Variants in ARMC6 observed in about 807,000 individuals in gnomAD.
The protein encoded by ARMC6 is armadillo repeat-containing protein 6.
ARMC6 carries 43 observed loss-of-function variants against 49.2 expected under a neutral mutation model. That is an observed-to-expected ratio of 0.87 (90% CI 0.69 to 1.13). The LOEUF (loss-of-function observed/expected upper bound fraction) is 1.13, where lower values mean the gene tolerates loss of function less well. ARMC6 is among the 50% of genes most tolerant of loss of function. ARMC6 has a pLI of 0.00. For missense variants in ARMC6, 627 were observed against 682.0 expected, an observed-to-expected ratio of 0.92 and a Z score of 0.90; for synonymous variants, 262 against 289.6, an observed-to-expected ratio of 0.90 and a Z score of 0.97.
intron 2 of ARMC6, 44 bp downstream of exon 2, chr19:19,034,282 A>C (rs1363032207): frequency 6.3e-7 from 1 of 1,583,232 alleles, no homozygotes; most frequent in South Asian, 1.1e-5. Context: ...ACGGGAAAGC[A>C]GGGCTGCTCT....
intron 2 of ARMC6, among the ~76,000 whole-genome samples, chr19:19,038,440 A>G (rs1319080221): frequency 6.6e-6 from 1 of 152,152 alleles, no homozygotes; most frequent in Non-Finnish European, 1.5e-5. Flanking sequence ...TTTTACCAAG[A>G]GTTTTATCTT....
At chr19:19,037,596 C>G in intron 2 of ARMC6, 1 of 1,218,934 alleles carries the variant, frequency 8.2e-7, no homozygotes, top group Non-Finnish European at 1.1e-6. Flanking sequence ...AAACTCCTGG[C>G]CTCATGTGAT....
rs368858887 is a variant in ARMC6 at position 19,057,478 on chromosome 19, C to T, written c.1356C>T (p.Ile452=). The stretch of plus-strand genomic sequence containing the variant: ...ACGGCCAGGCCTTCTCGAAGCCCAT[C>T]CTGGACCTGGGGGCTGAGGCACTCA... ...VAHGQAFSKP[I]LDLGAEALIM... The change falls in exon 9 of 9, where the codon ATC becomes ATT. Residue 452 remains isoleucine (I), a synonymous_variant. Coordinates refer to ENST00000535612, the MANE Select transcript of ARMC6 (RefSeq NM_001199196.2). 7.4e-6 allele frequency: 12 copies of T among 1,614,002 alleles called. No individual in the cohort carries two copies. Among genetic ancestry groups the T allele is most frequent in the Non-Finnish European group, 1.0e-5 (12 of 1,180,038 alleles).
chr19:19,045,493 C>CTTGTTTTTTTTTTTTTTTTTT, intron 4 of ARMC6, among the ~76,000 whole-genome samples: 1 of 89,118 alleles, frequency 1.1e-5, no homozygotes, highest in Non-Finnish European at 2.0e-5. Flanking sequence ...ATGCTAAATT[C>CTTGTTTTTTTTTTTTTTTTTT]TTTTTTTTTT....
At position 19,036,154 on chromosome 19, in the gene ARMC6, C is replaced by T. The variant is rs529660503; in HGVS notation, c.29+1916C>T. On this transcript the variant is annotated intron_variant, in intron 2 of 8. Transcript: ENST00000535612. ...TTGGCTCACTGCAACCTCCACCTCC[C>T]GGGTTCAAGCAATTCTCTTGCCTCA... Among the ~76,000 whole-genome samples the T allele has an allele frequency of 7.2e-5, 11 of 152,246 alleles. No homozygotes were observed. The South Asian group carries it at 8.3e-4, about 12-fold the overall frequency.
chr19:19,037,246 G>A (rs1379952484), intron 2 of ARMC6, among the ~76,000 whole-genome samples: 1 of 152,100 alleles, frequency 6.6e-6, no homozygotes, highest in African/African-American at 2.4e-5. Flanking sequence ...CAGGCTGGCT[G>A]CGAGCCAGTC....
intron 4 of ARMC6, among the ~76,000 whole-genome samples, chr19:19,045,695 A>C (rs1218754510): frequency 6.7e-6 from 1 of 149,688 alleles, no homozygotes; most frequent in African/African-American, 2.5e-5. Flanking sequence ...TCTGTCACCC[A>C]GGCTGGAGTG....
At position 19,055,923 on chromosome 19, in the gene ARMC6, G is replaced by A. The variant is rs369392289; in HGVS notation, c.1288G>A (p.Val430Met). 34 of 1,608,694 alleles carry A rather than the reference G, an allele frequency of 2.1e-5. No individual in the cohort carries two copies. The highest frequency in any genetic ancestry group is 4.4e-5 in the South Asian group (4 of 90,906). The change falls in exon 8 of 9, where the codon GTG becomes ATG. Residue 430 changes from valine (V) to methionine (M), a missense_variant. Val to Met is a conservative substitution (Grantham distance 21). Coordinates refer to ENST00000535612, the MANE Select transcript of ARMC6 (RefSeq NM_001199196.2). The surrounding 1 kb of genome is among the most constrained non-coding windows in gnomAD (Gnocchi z 5.7). ...GAAGGCACACCCGCAGAAGGCCGGCGTGCAGGTGGGCAGGGCAGGGGATGG... is the reference window on the plus strand; with the variant it reads ...GAAGGCACACCCGCAGAAGGCCGGCATGCAGGTGGGCAGGGCAGGGGATGG... The part of the protein sequence containing the change: ...AMKAHPQKAG[V>M]QKQACMLIRN...
In ARMC6 at chr19:19,033,869, G is replaced by C; in HGVS notation, c.-141G>C. 2.8e-6 allele frequency: 1 copy of C among 355,654 alleles called. No homozygotes were observed. Among genetic ancestry groups the C allele is most frequent in the Non-Finnish European group, 5.2e-6 (1 of 193,902 alleles). The allele number at this position is 355,654 out of a possible 1,614,324, so 22.0% of individuals were successfully genotyped here. On this transcript the variant is annotated 5_prime_UTR_variant, in exon 1 of 9. Transcript: ENST00000535612. ...CGCGTACGGCGGCCGGAAGGGGCTA[G>C]AGGCGGCTCCCTGGGTGACAACCGC... is the stretch of plus-strand genomic sequence containing the variant.
chr19:19,055,888 T>C lies in ARMC6; in HGVS notation c.1253T>C (p.Leu418Pro), dbSNP rs772707062. Residue 418 changes from leucine to proline, a missense_variant, in exon 8 of 9, where the codon CTG becomes CCG. Physicochemically the swap from Leu to Pro is moderately conservative, Grantham distance 98. Transcript: ENST00000535612. This position sits in a 1 kb window ranked among gnomAD's most constrained non-coding sequence, Gnocchi z 5.7. ...IVEGGGAVAA[L>P]QAMKAHPQKA... ...GAGGGTGGCGGGGCTGTGGCAGCAC[T>C]GCAGGCCATGAAGGCACACCCGCAG... 6 of 1,612,392 alleles carry C rather than the reference T, an allele frequency of 3.7e-6. No individual in the cohort carries two copies. In the Admixed American group the frequency reaches 6.7e-5, roughly 18 times the overall value.
In ARMC6 at chr19:19,057,788, T is replaced by C. The variant is rs778260651; in HGVS notation, c.*160T>C. The C allele has an allele frequency of 1.3e-6, 1 of 757,922 alleles. No individual in the cohort carries two copies. Among genetic ancestry groups the C allele is most frequent in the Admixed American group, 1.7e-5 (1 of 57,386 alleles). 46.9% of individuals were successfully genotyped at this position (757,922 alleles called of 1,614,324 possible). ...AAAGGGTCGGGGGAGGGGGGAGCCTTGTAGGGAGGCCTCTACACAGAAGAA... is the reference window on the plus strand; with the variant it reads ...AAAGGGTCGGGGGAGGGGGGAGCCTCGTAGGGAGGCCTCTACACAGAAGAA... On this transcript the variant is annotated 3_prime_UTR_variant, in exon 9 of 9. Transcript: ENST00000535612.
At chr19:19,057,367 C>A in intron 8 of ARMC6, 49 bp from the exon 9 acceptor site, 2 of 1,533,248 alleles carry the variant, frequency 1.3e-6, no homozygotes, top group Non-Finnish European at 1.8e-6. Context: ...TCAGAGTGGA[C>A]CCCACCCCAA....
Position 19,057,410 on chromosome 19 carries a change from C to G in ARMC6, c.1294-6C>G, listed in dbSNP as rs1474944376. ...TCTGGCAGCTCACAGCTGCTCTCTC[C>G]TACAGAAACAGGCTTGCATGCTGAT... On this transcript the variant is annotated splice_region_variant and splice_polypyrimidine_tract_variant and intron_variant, in intron 8 of 8. Transcript: ENST00000535612. 1 of 1,611,806 alleles carries G rather than the reference C, an allele frequency of 6.2e-7. No homozygotes were observed. Among genetic ancestry groups the G allele is most frequent in the Non-Finnish European group, 8.5e-7 (1 of 1,179,408 alleles).
Position 19,043,932 on chromosome 19 carries a change from G to T in ARMC6, c.197-60G>T, listed in dbSNP as rs1282218544. The stretch of plus-strand genomic sequence containing the variant: ...AGGTGTGATTCCAGCAGGCCCACGG[G>T]GATGACAGCTGTCACTTTCTTTCTG... On this transcript the variant is annotated intron_variant, in intron 3 of 8. Coordinates refer to ENST00000535612, the MANE Select transcript of ARMC6 (RefSeq NM_001199196.2). The T allele has an allele frequency of 2.0e-6, 3 of 1,514,458 alleles. No homozygotes were observed. In the African/African-American group the frequency reaches 4.1e-5, roughly 21 times the overall value. The allele number at this position is 1,514,458 out of a possible 1,614,324, so 93.8% of individuals were successfully genotyped here.
intron 4 of ARMC6, among the ~76,000 whole-genome samples, chr19:19,050,341 T>C (rs534185590): frequency 2.6e-5 from 4 of 152,308 alleles, no homozygotes; most frequent in African/African-American, 9.6e-5. Context: ...TTCTCTTGAG[T>C]GTATCCCCAG....
chr19:19,044,977 T>C (rs1174983565), intron 4 of ARMC6, among the ~76,000 whole-genome samples: 2 of 152,200 alleles, frequency 1.3e-5, no homozygotes, highest in Non-Finnish European at 2.9e-5. Context: ...TTTGCCTTTC[T>C]TGCCTAATAA....
chr19:19,052,045 CACACTG>C lies in ARMC6; in HGVS notation c.706_711del (p.Thr236_Asp237del). 2 of 1,613,992 alleles carry C rather than the reference CACACTG, an allele frequency of 1.2e-6. No homozygotes were observed. Among genetic ancestry groups the C allele is most frequent in the Non-Finnish European group, 1.7e-6 (2 of 1,180,050 alleles). On this transcript the variant is annotated inframe_deletion, in exon 5 of 9. Transcript: ENST00000535612. ...TGGTGCCATCACCCATCATGGCCACCACACTGACGTGGTCAGGGAAGCCTGCTGGGC... is the reference window on the plus strand; with the variant it reads ...TGGTGCCATCACCCATCATGGCCACCACGTGGTCAGGGAAGCCTGCTGGGC...
chr19:19,044,494 C>T (rs989928623), intron 4 of ARMC6, among the ~76,000 whole-genome samples: 1 of 152,244 alleles, frequency 6.6e-6, no homozygotes, highest in African/African-American at 2.4e-5. Context: ...CTGAAGCTCA[C>T]CAGTGAAGTA....
chr19:19,038,332 A>G (rs752398697), intron 2 of ARMC6, among the ~76,000 whole-genome samples: 18 of 152,230 alleles, frequency 1.2e-4, no homozygotes, highest in Non-Finnish European at 2.4e-4. Flanking sequence ...CACCATATCC[A>G]TGGAAAAATT....
Sources: allele counts gnomAD v4.1 joint callset (sites outside exome capture counted in the v4.1 genomes callset), GRCh38; gene constraint gnomAD v4.1.1; non-coding constraint Gnocchi (gnomAD v3.1); transcripts MANE v1.5; gene names NCBI Gene and HGNC (gene_info 2026-07-23, HGNC 2026-07-21).